Variants in FHIT observed in about 807,000 individuals in gnomAD.
The protein encoded by FHIT is fragile histidine triad diadenosine triphosphatase.
A neutral mutation model predicts 17.9 loss-of-function variants in FHIT; 19 were observed. That is an observed-to-expected ratio of 1.06 (90% CI 0.74 to 1.56). FHIT has a LOEUF of 1.56. Ranked by LOEUF, FHIT falls within the 40% of genes most tolerant of loss-of-function variation. The pLI is 0.00. For synonymous variants in FHIT, 81 were observed against 69.7 expected, an observed-to-expected ratio of 1.16 and a Z score of -0.81; for missense variants, 248 against 189.2, an observed-to-expected ratio of 1.31 and a Z score of -1.82.
At chr3:60,685,527 C>G (rs113097431) in intron 4 of FHIT, among the ~76,000 whole-genome samples, 2 of 152,228 alleles carry the variant, frequency 1.3e-5, no homozygotes, top group African/African-American at 4.8e-5. Flanking sequence ...ATTGCTTGAT[C>G]TGGAGCCATA....
At chr3:60,337,194 G>C (rs780067522) in intron 5 of FHIT, among the ~76,000 whole-genome samples, 1 of 152,016 alleles carries the variant, frequency 6.6e-6, no homozygotes, top group African/African-American at 2.4e-5. Context: ...ATTAGGGAAT[G>C]CATACTTTTT....
At chr3:59,838,263 C>G (rs1701410196) in intron 8 of FHIT, among the ~76,000 whole-genome samples, 1 of 152,188 alleles carries the variant, frequency 6.6e-6, no homozygotes, top group African/African-American at 2.4e-5. Flanking sequence ...CCAGACAAAC[C>G]TGCCTGAAAC....
At chr3:60,269,960 T>G (rs1706781154) in intron 5 of FHIT, among the ~76,000 whole-genome samples, 1 of 152,168 alleles carries the variant, frequency 6.6e-6, no homozygotes, top group Non-Finnish European at 1.5e-5. Context: ...CTTTTAAGTA[T>G]CTATTCAGGC....
chr3:60,976,447 C>A (rs892458075), intron 3 of FHIT, among the ~76,000 whole-genome samples: 3 of 152,012 alleles, frequency 2.0e-5, no homozygotes, highest in Admixed American at 6.6e-5. Flanking sequence ...AGCTCACCAC[C>A]TCAAATCCAG....
intron 5 of FHIT, among the ~76,000 whole-genome samples, chr3:60,228,224 G>A (rs1410883170): frequency 1.3e-5 from 2 of 152,160 alleles, no homozygotes; most frequent in African/African-American, 2.4e-5. Context: ...CATACTGTAT[G>A]ATCCCATTTA....
chr3:59,812,391 C>A (rs1035738818), intron 8 of FHIT, among the ~76,000 whole-genome samples: 5 of 152,172 alleles, frequency 3.3e-5, no homozygotes, highest in African/African-American at 1.2e-4. Flanking sequence ...AGATCTGAGT[C>A]AGACTGGAAG....
chr3:61,065,011 A>C (rs1280665689), intron 2 of FHIT, among the ~76,000 whole-genome samples: 1 of 152,206 alleles, frequency 6.6e-6, no homozygotes, highest in Non-Finnish European at 1.5e-5. Context: ...ATGCAAATCC[A>C]AATGACAGAG....
rs548176049 is a variant in FHIT, at chr3:59,851,442, T to C, written c.348+70904A>G. Among the ~76,000 whole-genome samples, 13 of 152,318 alleles carry C rather than the reference T, an allele frequency of 8.5e-5. No individual in the cohort carries two copies. In the East Asian group the frequency reaches 2.5e-3, roughly 29 times the overall value. ...TGCAAGGGACCTATGTTTATCTCAA[T>C]TTAACAGAGAAGAAGGCAAAGTGTG... On this transcript the variant is annotated intron_variant, in intron 8 of 9. Transcript: ENST00000492590.
chr3:59,772,878 A>G (rs1445278841), intron 8 of FHIT, among the ~76,000 whole-genome samples: 1 of 152,184 alleles, frequency 6.6e-6, no homozygotes, highest in African/African-American at 2.4e-5. Context: ...AGCCTCATGT[A>G]GGAAGTGTAG....
intron 4 of FHIT, among the ~76,000 whole-genome samples, chr3:60,623,725 T>C (rs781859750): frequency 1.3e-5 from 2 of 152,190 alleles, no homozygotes; most frequent in Non-Finnish European, 2.9e-5. Context: ...TGGACTGTCA[T>C]GGTAGTAAAA....
At position 60,598,872 on chromosome 3, in the gene FHIT, T is replaced by C. The variant is rs183035744; in HGVS notation, c.-17-61893A>G. Among the ~76,000 whole-genome samples, 53 of 152,276 alleles carry C rather than the reference T, an allele frequency of 3.5e-4. No homozygotes were observed. The East Asian group carries it at 5.8e-3, about 17-fold the overall frequency. ...GTGTTTGCTTTTAGCAAACATACTG[T>C]TCACATTTTGAGAAAAACTGCTGAT... On this transcript the variant is annotated intron_variant, in intron 4 of 9. Transcript: ENST00000492590.
chr3:60,403,161 A>G (rs945892539), intron 5 of FHIT, among the ~76,000 whole-genome samples: 1 of 152,226 alleles, frequency 6.6e-6, no homozygotes, highest in African/African-American at 2.4e-5. Flanking sequence ...AAAGACAGAA[A>G]AAGCAGCATT....
At chr3:59,896,657 T>C (rs1020030618) in intron 8 of FHIT, among the ~76,000 whole-genome samples, 4 of 152,198 alleles carry the variant, frequency 2.6e-5, no homozygotes, top group Non-Finnish European at 5.9e-5. Flanking sequence ...TAATTCTTAA[T>C]ACATAACCAT....
chr3:60,336,706 G>C (rs1019790268), intron 5 of FHIT, among the ~76,000 whole-genome samples: 5 of 152,146 alleles, frequency 3.3e-5, no homozygotes, highest in African/African-American at 1.2e-4. Flanking sequence ...AGACAGAACA[G>C]TGGAGAACAT....
At chr3:60,173,908 TATATA>T (rs1701537450) in intron 5 of FHIT, among the ~76,000 whole-genome samples, 1 of 81,176 alleles carries the variant, frequency 1.2e-5, no homozygotes, top group South Asian at 3.8e-4. Context: ...TATATATATA[TATATA>T]TATGTTTTTT....
At chr3:60,740,980 C>G (rs1441515255) in intron 4 of FHIT, among the ~76,000 whole-genome samples, 1 of 152,100 alleles carries the variant, frequency 6.6e-6, no homozygotes, top group Non-Finnish European at 1.5e-5. Flanking sequence ...CCCATCTTAC[C>G]ATCACAGAAG....
At chr3:60,566,726 A>G (rs2037149308) in intron 4 of FHIT, among the ~76,000 whole-genome samples, 1 of 152,112 alleles carries the variant, frequency 6.6e-6, no homozygotes, top group South Asian at 2.1e-4. Flanking sequence ...TCTCAGCCCA[A>G]AATCTCCTTA....
rs9853325 is a variant in FHIT at position 60,802,256 on chromosome 3, C to T, written c.-18+19663G>A. ...GTAAAAATGACAATCTATTAGTTTACCAGATGCTGGATCAAGCCATGGGCC... is the reference window on the plus strand; with the variant it reads ...GTAAAAATGACAATCTATTAGTTTATCAGATGCTGGATCAAGCCATGGGCC... On this transcript the variant is annotated intron_variant, in intron 4 of 9. Coordinates refer to ENST00000492590, the MANE Select transcript of FHIT (RefSeq NM_002012.4). 8.9e-4 allele frequency among the ~76,000 whole-genome samples: 136 copies of T among 152,298 alleles called. 1 individual carries two copies. Among genetic ancestry groups the T allele is most frequent in the African/African-American group, 3.2e-3 (132 of 41,556 alleles).
intron 5 of FHIT, among the ~76,000 whole-genome samples, chr3:60,147,908 A>G (rs1700309213): frequency 6.6e-6 from 1 of 152,150 alleles, no homozygotes; most frequent in Non-Finnish European, 1.5e-5. Context: ...CCAGGCCACT[A>G]TTAGGACAGT....
Sources: allele counts gnomAD v4.1 joint callset (sites outside exome capture counted in the v4.1 genomes callset), GRCh38; gene constraint gnomAD v4.1.1; transcripts MANE v1.5; gene names NCBI Gene and HGNC (gene_info 2026-07-23, HGNC 2026-07-21).